GALNT2: variants seen among roughly 807,000 people sequenced by gnomAD.
GALNT2 encodes the protein polypeptide N-acetylgalactosaminyltransferase 2, also known as UDP-GalNAc:polypeptide N-acetylgalactosaminyltransferase 2.
GALNT2 carries 31 observed loss-of-function variants against 81.4 expected under a neutral mutation model. The observed-to-expected ratio is 0.38, with a 90% CI of 0.29 to 0.51. The LOEUF (loss-of-function observed/expected upper bound fraction) is 0.51, where lower values mean the gene tolerates loss of function less well. Ranked by LOEUF, GALNT2 falls within the 20% of genes least tolerant of loss-of-function variation. The pLI is 0.87. For missense variants in GALNT2, 629 were observed against 765.7 expected (o/e 0.82, Z 2.11); for synonymous variants, 303 against 287.4 (o/e 1.05, Z -0.55).
At chr1:230,061,565 T>C (rs901761299) in intron 1 of GALNT2, among the ~76,000 whole-genome samples, 1 of 152,222 alleles carries the variant, frequency 6.6e-6, no homozygotes, top group Non-Finnish European at 1.5e-5. Context: ...ATATTTCTGT[T>C]TGGATTCAGT....
At chr1:230,178,134 C>T (rs1663043730) in intron 1 of GALNT2, 84 bp from the exon 2 acceptor site, 1 of 1,106,980 alleles carries the variant, frequency 9.0e-7, no homozygotes, top group East Asian at 2.4e-5. Context: ...TGTTAACTCT[C>T]CTAAGACTCG....
At chr1:230,239,890 G>A (rs1462121241) in intron 6 of GALNT2, among the ~76,000 whole-genome samples, 1 of 152,148 alleles carries the variant, frequency 6.6e-6, no homozygotes, top group African/African-American at 2.4e-5. Context: ...ACAACAGTCT[G>A]CTTAAGAGTC....
At chr1:230,116,856 G>C (rs1224238097) in intron 1 of GALNT2, among the ~76,000 whole-genome samples, 3 of 152,220 alleles carry the variant, frequency 2.0e-5, no homozygotes, top group African/African-American at 7.2e-5. Flanking sequence ...GGTGCTAGGA[G>C]TTTCGGAATG....
chr1:230,252,930 T>A (rs1665595490), intron 10 of GALNT2, among the ~76,000 whole-genome samples: 1 of 139,518 alleles, frequency 7.2e-6, no homozygotes, highest in Non-Finnish European at 1.5e-5. Flanking sequence ...CACCGCAACG[T>A]TCGCCTCCCG....
At chr1:230,141,675 T>G (rs112007102) in intron 1 of GALNT2, among the ~76,000 whole-genome samples, 204 of 152,310 alleles carry the variant, frequency 1.3e-3, no homozygotes, top group African/African-American at 4.7e-3. Flanking sequence ...CACATTTTGT[T>G]GATCTAGTCA....
chr1:230,197,856 C>G (rs909587568), intron 2 of GALNT2, among the ~76,000 whole-genome samples: 1 of 152,070 alleles, frequency 6.6e-6, no homozygotes, highest in Non-Finnish European at 1.5e-5. Flanking sequence ...TGGCCTGGAC[C>G]CCTGTTGGCC....
chr1:230,197,965 TAA>T (rs1663753770), intron 2 of GALNT2, among the ~76,000 whole-genome samples: 1 of 152,052 alleles, frequency 6.6e-6, no homozygotes, highest in Non-Finnish European at 1.5e-5. Context: ...GGAACACATT[TAA>T]AAAATGCCTG....
chr1:230,244,520 G>A (rs370170979), intron 7 of GALNT2, among the ~76,000 whole-genome samples: 7 of 103,830 alleles, frequency 6.7e-5, no homozygotes, highest in Admixed American at 4.7e-4. Flanking sequence ...GCTACGCTCC[G>A]CCAGGCTGTC....
upstream of GALNT2, among the ~76,000 whole-genome samples, chr1:230,066,280 T>C (rs1196801802): frequency 6.6e-6 from 1 of 152,274 alleles, no homozygotes; most frequent in Admixed American, 6.5e-5. Context: ...TGCAAGGGCA[T>C]CACCAAGGTT....
chr1:230,186,963 T>C (rs1173696415), intron 2 of GALNT2, among the ~76,000 whole-genome samples: 1 of 152,236 alleles, frequency 6.6e-6, no homozygotes, highest in African/African-American at 2.4e-5. Flanking sequence ...TCCCTAAGCA[T>C]GAGGAACACA....
intron 3 of GALNT2, among the ~76,000 whole-genome samples, chr1:230,204,521 G>A (rs367772950): frequency 6.6e-6 from 1 of 152,286 alleles, no homozygotes; most frequent in East Asian, 1.9e-4. Context: ...GGTCTATGAA[G>A]CTCAGCTCAG....
intron 1 of GALNT2, among the ~76,000 whole-genome samples, chr1:230,137,406 C>T (rs984471174): frequency 1.3e-5 from 2 of 152,172 alleles, no homozygotes; most frequent in African/African-American, 2.4e-5. Context: ...TGGAGGTGCC[C>T]ATGGTCAGAG....
intron 1 of GALNT2, among the ~76,000 whole-genome samples, chr1:230,138,592 G>A (rs1661629791): frequency 6.6e-6 from 1 of 152,016 alleles, no homozygotes; most frequent in African/African-American, 2.4e-5. Context: ...CAGTGGCATG[G>A]GCAGCTTGAC....
In GALNT2 at chr1:230,250,497, T is replaced by C; in HGVS notation, c.946T>C (p.Phe316Leu). Residue 316 changes from phenylalanine (F) to leucine (L), a missense_variant, in exon 10 of 16, where the codon TTC (phenylalanine) becomes CTC (leucine). Transcript: ENST00000366672. ...TGGTGGGCTGTTTGTGATGGATAAG[T>C]TCTATTTTGAAGAACTGGGGAAGTA... ...IAGGLFVMDK[F>L]YFEELGKYDM... 4 of 1,614,024 alleles carry C rather than the reference T, an allele frequency of 2.5e-6. No individual in the cohort carries two copies. Among genetic ancestry groups the C allele is most frequent in the Non-Finnish European group, 3.4e-6 (4 of 1,179,984 alleles).
At chr1:230,154,113 G>C (rs568931729) in intron 1 of GALNT2, among the ~76,000 whole-genome samples, 1 of 152,364 alleles carries the variant, frequency 6.6e-6, no homozygotes, top group South Asian at 2.1e-4. Context: ...CTGGTGAGCT[G>C]TGAGGCCAAG....
At chr1:230,207,232 C>T (rs559487543) in intron 3 of GALNT2, among the ~76,000 whole-genome samples, 176 of 151,916 alleles carry the variant, frequency 1.2e-3, no homozygotes, top group Admixed American at 4.0e-3. Flanking sequence ...TAAAAGAATA[C>T]AGGAGAAGGA....
chr1:230,120,950 C>G (rs1660997497), intron 1 of GALNT2, among the ~76,000 whole-genome samples: 1 of 152,190 alleles, frequency 6.6e-6, no homozygotes, highest in South Asian at 2.1e-4. Context: ...AACACTAGGC[C>G]AGAAATTGGT....
At chr1:230,111,332 A>G (rs1248558934) in intron 1 of GALNT2, among the ~76,000 whole-genome samples, 1 of 152,274 alleles carries the variant, frequency 6.6e-6, no homozygotes, top group Non-Finnish European at 1.5e-5. Context: ...ATGTTCACAC[A>G]CTGCCCATGC....
intron 2 of GALNT2, among the ~76,000 whole-genome samples, chr1:230,192,232 C>G (rs1194894352): frequency 6.6e-6 from 1 of 152,154 alleles, no homozygotes; most frequent in African/African-American, 2.4e-5. Context: ...ATAATTAGGA[C>G]CTGGGTTTGA....
Sources: allele counts gnomAD v4.1 joint callset (sites outside exome capture counted in the v4.1 genomes callset), GRCh38; gene constraint gnomAD v4.1.1; transcripts MANE v1.5; gene names NCBI Gene and HGNC (gene_info 2026-07-23, HGNC 2026-07-21).